PDE7B: variants seen among roughly 807,000 people sequenced by gnomAD.
PDE7B encodes the protein phosphodiesterase 7B.
Under a neutral mutation model 56.2 loss-of-function variants are expected in PDE7B, and 29 were observed. The ratio of observed to expected loss-of-function variants is 0.52; its 90% CI spans 0.38 to 0.70. The LOEUF is 0.70. Ranked by LOEUF, PDE7B falls within the 30% of genes least tolerant of loss-of-function variation. PDE7B has a pLI of 0.00. For synonymous variants in PDE7B, 197 were observed against 196.9 expected, an observed-to-expected ratio of 1.00 and a Z score of 0.00; for missense variants, 490 against 565.0, an observed-to-expected ratio of 0.87 and a Z score of 1.35.
chr6:136,042,472 T>C (rs543596058), intron 2 of PDE7B, among the ~76,000 whole-genome samples: 2 of 152,354 alleles, frequency 1.3e-5, no homozygotes, highest in African/African-American at 4.8e-5. Context: ...AAATTTTGCA[T>C]TATAGTTTAC....
chr6:136,126,628 AG>A (rs1407613310), intron 3 of PDE7B, among the ~76,000 whole-genome samples: 1 of 152,268 alleles, frequency 6.6e-6, no homozygotes, highest in Non-Finnish European at 1.5e-5. Flanking sequence ...AGCCATAAAA[AG>A]GAATGAATTA....
chr6:135,915,728 C>A (rs887413482), intron 1 of PDE7B, among the ~76,000 whole-genome samples: 1 of 152,152 alleles, frequency 6.6e-6, no homozygotes, highest in Non-Finnish European at 1.5e-5. Context: ...CACAACCAAC[C>A]ACTGTCAACG....
At chr6:135,978,054 C>T (rs957977798) in intron 2 of PDE7B, among the ~76,000 whole-genome samples, 2 of 152,096 alleles carry the variant, frequency 1.3e-5, no homozygotes, top group Non-Finnish European at 2.9e-5. Flanking sequence ...TGTGCGGATA[C>T]ATTCTGAGAA....
intron 9 of PDE7B, 66 bp downstream of exon 9, chr6:136,173,954 C>T (rs1248749774): frequency 8.6e-7 from 1 of 1,164,306 alleles, no homozygotes; most frequent in African/African-American, 1.5e-5. Flanking sequence ...TTCTCTAGGG[C>T]AGGCTTGGGA....
intron 1 of PDE7B, among the ~76,000 whole-genome samples, chr6:135,932,251 G>C (rs1159744532): frequency 6.6e-6 from 1 of 151,852 alleles, no homozygotes; most frequent in Non-Finnish European, 1.5e-5. Flanking sequence ...AGCACAACAG[G>C]GTGACTATAA....
At chr6:135,859,765 A>T (rs939550671) in intron 1 of PDE7B, among the ~76,000 whole-genome samples, 4 of 152,048 alleles carry the variant, frequency 2.6e-5, no homozygotes, top group Non-Finnish European at 4.4e-5. Flanking sequence ...CAAAACATTG[A>T]GTTGGAGAAT....
intron 1 of PDE7B, among the ~76,000 whole-genome samples, chr6:135,906,836 T>TTTTA (rs1554265658): frequency 2.8e-5 from 4 of 145,170 alleles, no homozygotes; most frequent in South Asian, 2.2e-4. Flanking sequence ...TTTTTTTTTT[T>TTTTA]AATCCTCTAG....
At chr6:135,887,686 G>C (rs1056784841) in intron 1 of PDE7B, among the ~76,000 whole-genome samples, 2 of 151,934 alleles carry the variant, frequency 1.3e-5, no homozygotes, top group African/African-American at 4.8e-5. Flanking sequence ...TATTGAAAAG[G>C]CTTAATTGGC....
intron 1 of PDE7B, among the ~76,000 whole-genome samples, chr6:135,894,043 G>T (rs1453718807): frequency 6.6e-6 from 1 of 152,124 alleles, no homozygotes; most frequent in Non-Finnish European, 1.5e-5. Context: ...CCACTAAGGT[G>T]ATAGGTGATG....
chr6:136,176,998 A>T (rs758559444), intron 9 of PDE7B, among the ~76,000 whole-genome samples: 1 of 151,854 alleles, frequency 6.6e-6, no homozygotes, highest in Non-Finnish European at 1.5e-5. Context: ...TTATGTTCAG[A>T]ACTGGATTAA....
intron 11 of PDE7B, 112 bp downstream of exon 11, chr6:136,181,435 CTT>C (rs1203214125): frequency 1.4e-6 from 1 of 713,024 alleles, no homozygotes; most frequent in Non-Finnish European, 2.5e-6. Context: ...CTCATCAACT[CTT>C]GTTATCCTAA....
intron 1 of PDE7B, among the ~76,000 whole-genome samples, chr6:135,940,700 T>C (rs1168131065): frequency 6.6e-6 from 1 of 152,220 alleles, no homozygotes; most frequent in African/African-American, 2.4e-5. Context: ...TGTTTGGAAA[T>C]GTCATCTCAA....
chr6:136,026,161 C>T (rs1417133719), intron 2 of PDE7B, among the ~76,000 whole-genome samples: 2 of 152,164 alleles, frequency 1.3e-5, no homozygotes, highest in Non-Finnish European at 1.5e-5. Context: ...AGCCCCTTTT[C>T]GTAAGAAATA....
At chr6:136,031,467 C>T (rs925021577) in intron 2 of PDE7B, among the ~76,000 whole-genome samples, 62 of 152,128 alleles carry the variant, frequency 4.1e-4, no homozygotes, top group Admixed American at 1.4e-3. Context: ...GGGCCGGGCG[C>T]GGTGGCTCAC....
chr6:135,886,284 G>A (rs1042218891), intron 1 of PDE7B, among the ~76,000 whole-genome samples: 1 of 152,026 alleles, frequency 6.6e-6, no homozygotes, highest in Non-Finnish European at 1.5e-5. Flanking sequence ...AGAAGCCAAG[G>A]ACCTCTGCAG....
chr6:136,006,456 T>C (rs1401034587), intron 2 of PDE7B, among the ~76,000 whole-genome samples: 1 of 152,114 alleles, frequency 6.6e-6, no homozygotes, highest in East Asian at 1.9e-4. Context: ...AAGAATGTCA[T>C]TTGTAGTTTG....
At chr6:135,937,384 C>T (rs187694036) in intron 1 of PDE7B, among the ~76,000 whole-genome samples, 2 of 152,176 alleles carry the variant, frequency 1.3e-5, no homozygotes, top group Non-Finnish European at 2.9e-5. Context: ...CCCAGCCTTG[C>T]GTCTCTCCAC....
At chr6:135,956,883 CGGAA>C (rs147614842) in intron 2 of PDE7B, among the ~76,000 whole-genome samples, 2,053 of 150,372 alleles carry the variant, frequency 0.014, 47 homozygotes, top group African/African-American at 0.048. Flanking sequence ...GAAATAAAGA[CGGAA>C]GGAAGGAAGG....
At chr6:136,140,872 C>G (rs572228792) in intron 3 of PDE7B, among the ~76,000 whole-genome samples, 1 of 152,274 alleles carries the variant, frequency 6.6e-6, no homozygotes, top group East Asian at 1.9e-4. Flanking sequence ...TGGGCTGAGA[C>G]AATGGGGTTT....
Sources: gnomAD v4.1 joint callset for allele counts (sites outside exome capture counted in the v4.1 genomes callset) on GRCh38, gnomAD v4.1.1 for gene constraint, MANE v1.5 for transcripts, NCBI Gene and HGNC (gene_info 2026-07-23, HGNC 2026-07-21) for gene names.